The following CNTN5 variants were observed in gnomAD, a reference collection of about 807,000 sequenced individuals.
CNTN5 encodes the protein contactin-5.
Under a neutral mutation model 129.1 loss-of-function variants are expected in CNTN5, and 77 were observed. The observed-to-expected ratio is 0.60, with a 90% CI of 0.50 to 0.72. The LOEUF is 0.72. Among genes scored for constraint, CNTN5 ranks in the 30% least tolerant of loss-of-function variants. CNTN5 has a pLI of 0.00. For synonymous variants in CNTN5, 509 were observed against 465.6 expected (o/e 1.09, Z -1.20); for missense variants, 1,478 against 1,328.8 (o/e 1.11, Z -1.75).
In CNTN5 at chr11:100,318,243, A is replaced by G. The variant is rs12293087; in HGVS notation, c.2730+9775A>G. Among the ~76,000 whole-genome samples, 410 of 55,186 alleles carry G rather than the reference A, an allele frequency of 7.4e-3. 4 individuals are homozygous for G. In the East Asian group the frequency reaches 0.18, roughly 25 times the overall value. The allele number at this position is 55,186 out of a possible 152,430, so 36.2% of individuals were successfully genotyped here. ...GCAATAGAGCGAGACTCTGTCTCAG[A>G]AAAAAAAAAAAAAAAAAAAAAGTCT... On this transcript the variant is annotated intron_variant, in intron 21 of 24. Transcript: ENST00000524871.
At chr11:99,854,995 C>T (rs543852570) in intron 6 of CNTN5, among the ~76,000 whole-genome samples, 1 of 152,242 alleles carries the variant, frequency 6.6e-6, no homozygotes, top group African/African-American at 2.4e-5. Flanking sequence ...ACTGATATCA[C>T]ATGCTAAAGT....
chr11:99,848,216 A>G (rs1185130340), intron 6 of CNTN5, among the ~76,000 whole-genome samples: 1 of 152,152 alleles, frequency 6.6e-6, no homozygotes, highest in Non-Finnish European at 1.5e-5. Flanking sequence ...TCTCAAAACA[A>G]AACAAAACAA....
At chr11:100,331,825 C>G (rs1469323359) in intron 21 of CNTN5, among the ~76,000 whole-genome samples, 1 of 151,808 alleles carries the variant, frequency 6.6e-6, no homozygotes, top group Non-Finnish European at 1.5e-5. Context: ...CTCTGAGATA[C>G]AGAAAAAACT....
rs1944844842 is a variant in CNTN5 at position 99,768,783 on chromosome 11, A to G, written c.56-50761A>G. On this transcript the variant is annotated intron_variant, in intron 3 of 24. Transcript: ENST00000524871. ...TCACTTGGATAAGATAGGATCTGCCAGACTTATTTATTCTAGTGATATATT... is the reference window on the plus strand; with the variant it reads ...TCACTTGGATAAGATAGGATCTGCCGGACTTATTTATTCTAGTGATATATT... Among the ~76,000 whole-genome samples, 3 of 152,112 alleles carry G rather than the reference A, an allele frequency of 2.0e-5. No homozygotes were observed. The South Asian group carries it at 6.2e-4, about 31-fold the overall frequency.
intron 2 of CNTN5, among the ~76,000 whole-genome samples, chr11:99,372,674 T>C (rs1939895335): frequency 6.6e-6 from 1 of 152,216 alleles, no homozygotes; most frequent in African/African-American, 2.4e-5. Flanking sequence ...TAGGACGCAC[T>C]TTTTTTCTTT....
chr11:99,527,911 G>A (rs767619732), intron 2 of CNTN5, among the ~76,000 whole-genome samples: 8 of 152,208 alleles, frequency 5.3e-5, no homozygotes, highest in African/African-American at 1.2e-4. Context: ...ACAAAGCCCC[G>A]CAGAGAACAG....
At position 99,991,658 on chromosome 11, in the gene CNTN5, C is replaced by G. The variant is rs190794357; in HGVS notation, c.878-10376C>G. Among the ~76,000 whole-genome samples the G allele has an allele frequency of 3.6e-3, 544 of 152,290 alleles. 3 individuals are homozygous for G. Among genetic ancestry groups the G allele is most frequent in the African/African-American group, 0.013 (522 of 41,554 alleles). On this transcript the variant is annotated intron_variant, in intron 8 of 24. Transcript: ENST00000524871. Reference sequence around the variant, plus strand: ...TTCATCTCTCCTCTATCTGTATTGACTTAATTCTGTCTTAATTGGCTGCCT... The same window carrying G: ...TTCATCTCTCCTCTATCTGTATTGAGTTAATTCTGTCTTAATTGGCTGCCT...
intron 2 of CNTN5, among the ~76,000 whole-genome samples, chr11:99,534,332 G>T (rs1404350958): frequency 6.6e-6 from 1 of 152,168 alleles, no homozygotes; most frequent in Non-Finnish European, 1.5e-5. Flanking sequence ...TAAATGATCT[G>T]CTTATTGATA....
At chr11:100,100,091 A>G (rs977140551) in intron 13 of CNTN5, among the ~76,000 whole-genome samples, 2 of 152,096 alleles carry the variant, frequency 1.3e-5, no homozygotes, top group African/African-American at 2.4e-5. Context: ...CCTAAGCAAC[A>G]CAGCTCTCAT....
intron 2 of CNTN5, among the ~76,000 whole-genome samples, chr11:99,348,248 A>C (rs779207711): frequency 2.0e-5 from 3 of 152,138 alleles, no homozygotes; most frequent in Non-Finnish European, 2.9e-5. Flanking sequence ...CTGAGGCAGG[A>C]GAATGGCGTG....
At chr11:100,153,432 A>G (rs972096140) in intron 13 of CNTN5, among the ~76,000 whole-genome samples, 2 of 152,108 alleles carry the variant, frequency 1.3e-5, no homozygotes, top group African/African-American at 4.8e-5. Context: ...ATTCCCTTTC[A>G]TCAAATATAA....
intron 6 of CNTN5, among the ~76,000 whole-genome samples, chr11:99,868,217 A>T (rs1330003997): frequency 1.3e-5 from 2 of 150,760 alleles, no homozygotes; most frequent in Non-Finnish European, 3.0e-5. Flanking sequence ...ACTCCATCTC[A>T]TAAAAAAAAA....
chr11:100,244,578 G>T (rs1949806123), intron 16 of CNTN5, among the ~76,000 whole-genome samples: 1 of 152,066 alleles, frequency 6.6e-6, no homozygotes, highest in African/African-American at 2.4e-5. Context: ...GTAGCAGTGG[G>T]GAGCACACAA....
chr11:99,454,731 C>A (rs1447902189), intron 2 of CNTN5, among the ~76,000 whole-genome samples: 1 of 152,122 alleles, frequency 6.6e-6, no homozygotes, highest in Non-Finnish European at 1.5e-5. Context: ...AGGTAATTAT[C>A]TCAGTTGTTT....
intron 2 of CNTN5, among the ~76,000 whole-genome samples, chr11:99,438,639 T>C (rs1187461826): frequency 6.6e-6 from 1 of 152,142 alleles, no homozygotes; most frequent in Admixed American, 6.6e-5. Flanking sequence ...AACATAAAAA[T>C]TATCTAAAGA....
intron 16 of CNTN5, among the ~76,000 whole-genome samples, chr11:100,240,669 T>A (rs1949720926): frequency 6.6e-6 from 1 of 152,192 alleles, no homozygotes; most frequent in South Asian, 2.1e-4. Flanking sequence ...GTAGAACATG[T>A]TGGTTTCCAG....
chr11:100,016,767 G>T (rs1274587509), intron 9 of CNTN5, among the ~76,000 whole-genome samples: 15 of 151,808 alleles, frequency 9.9e-5, no homozygotes, highest in Non-Finnish European at 2.2e-4. Context: ...AAAGACTATT[G>T]AGAATGAATA....
At chr11:99,568,742 A>C (rs1949083734) in intron 3 of CNTN5, among the ~76,000 whole-genome samples, 1 of 152,238 alleles carries the variant, frequency 6.6e-6, no homozygotes, top group Non-Finnish European at 1.5e-5. Context: ...ATGTATAACT[A>C]ATTACAAGAA....
At position 99,551,972 on chromosome 11, in the gene CNTN5, A is replaced by G. The variant is rs148089512; in HGVS notation, c.-70-4173A>G. 7.2e-3 allele frequency among the ~76,000 whole-genome samples: 1,085 copies of G among 151,464 alleles called. 18 individuals are homozygous for G. The highest frequency in any genetic ancestry group is 0.025 in the African/African-American group (1,040 of 41,284). The stretch of plus-strand genomic sequence containing the variant: ...ACCCAGGCTGGAGTGCAGTGGCACA[A>G]TCTTGGCTCACTGCAACCTCTGTCT... On this transcript the variant is annotated intron_variant, in intron 2 of 24. Transcript: ENST00000524871.
Sources: allele counts gnomAD v4.1 joint callset (sites outside exome capture counted in the v4.1 genomes callset), GRCh38; gene constraint gnomAD v4.1.1; transcripts MANE v1.5; gene names NCBI Gene and HGNC (gene_info 2026-07-23, HGNC 2026-07-21).